Variants in GRHL2 observed in about 807,000 individuals in gnomAD.
The protein encoded by GRHL2 is grainyhead-like protein 2 homolog.
A neutral mutation model predicts 83.8 loss-of-function variants in GRHL2; 21 were observed. That is an observed-to-expected ratio of 0.25 (90% CI 0.18 to 0.36). The LOEUF is 0.36. Ranked by LOEUF, GRHL2 falls within the 10% of genes least tolerant of loss-of-function variation. The pLI, the probability that GRHL2 is intolerant of heterozygous loss-of-function variation, is 1.00. For synonymous variants in GRHL2, 280 were observed against 278.9 expected, an observed-to-expected ratio of 1.00 and a Z score of -0.04; for missense variants, 623 against 781.8, an observed-to-expected ratio of 0.80 and a Z score of 2.42.
At chr8:101,511,183 A>G (rs1260282004) in intron 1 of GRHL2, among the ~76,000 whole-genome samples, 5 of 152,158 alleles carry the variant, frequency 3.3e-5, no homozygotes, top group Admixed American at 6.5e-5. Context: ...TGATAGTTCC[A>G]TATCAATAAT....
At chr8:101,515,768 G>A (rs780406558) in intron 1 of GRHL2, among the ~76,000 whole-genome samples, 7 of 152,164 alleles carry the variant, frequency 4.6e-5, no homozygotes, top group Non-Finnish European at 8.8e-5. Flanking sequence ...AACTCCTCCT[G>A]TCTTTTGCCA....
chr8:101,576,777 ATAAT>A (rs1341738817), intron 6 of GRHL2, among the ~76,000 whole-genome samples: 1 of 152,226 alleles, frequency 6.6e-6, no homozygotes, highest in Non-Finnish European at 1.5e-5. Context: ...TCTGCAAGAT[ATAAT>A]TAGTTTCTCA....
At chr8:101,556,185 G>A (rs748567232) in intron 3 of GRHL2, among the ~76,000 whole-genome samples, 6 of 152,082 alleles carry the variant, frequency 3.9e-5, no homozygotes, top group Non-Finnish European at 8.8e-5. Context: ...TCGAACTCCC[G>A]ACCTCAGGTG....
In GRHL2 at chr8:101,546,297, GATTTTATTCTGTT is replaced by G. The variant is rs1286182880; in HGVS notation, c.216+2865_216+2877del. Among the ~76,000 whole-genome samples the G allele has an allele frequency of 2.6e-5, 4 of 152,058 alleles. No homozygotes were observed. In the East Asian group the frequency reaches 7.7e-4, roughly 29 times the overall value. ...TGTTGTTCCTATTCTTTAAAATATA[GATTTTATTCTGTT>G]ATTGTGAAATGGATATAATTTCATA... On this transcript the variant is annotated intron_variant, in intron 2 of 15. Transcript: ENST00000646743.
intron 4 of GRHL2, among the ~76,000 whole-genome samples, chr8:101,565,384 G>A (rs1469512536): frequency 6.6e-6 from 1 of 152,154 alleles, no homozygotes; most frequent in Non-Finnish European, 1.5e-5. Context: ...CTATAAGTCA[G>A]TTAACAATAG....
intron 12 of GRHL2, among the ~76,000 whole-genome samples, chr8:101,639,951 G>C (rs1016207053): frequency 6.6e-6 from 1 of 152,196 alleles, no homozygotes; most frequent in Non-Finnish European, 1.5e-5. Flanking sequence ...ACAATGACCA[G>C]ACTGAGGATA....
chr8:101,626,354 T>C (rs1813079282), intron 9 of GRHL2, among the ~76,000 whole-genome samples: 1 of 152,116 alleles, frequency 6.6e-6, no homozygotes, highest in Non-Finnish European at 1.5e-5. Flanking sequence ...GGTATTAAGA[T>C]ACTTCTATTG....
At chr8:101,615,398 TA>T (rs1194207167) in intron 8 of GRHL2, among the ~76,000 whole-genome samples, 1 of 152,190 alleles carries the variant, frequency 6.6e-6, no homozygotes, top group African/African-American at 2.4e-5. Flanking sequence ...GACATGTGGT[TA>T]AATCACTGAG....
rs772671499 is a variant in GRHL2, at chr8:101,577,419, G to A, written c.903G>A (p.Met301Ile). 6.2e-7 allele frequency: 1 copy of A among 1,607,336 alleles called. No homozygotes were observed. The highest frequency in any genetic ancestry group is 2.2e-5 in the East Asian group (1 of 44,858). ...TCTCCCCTCTGCAGAGTGTGGTGAT[G>A]GTGGTCTTCAGTGAAGACAAAAACA... is the stretch of plus-strand genomic sequence containing the variant. ...HPISKVRSVV[M>I]VVFSEDKNRD... The change falls in exon 7 of 16, where the codon ATG becomes ATA. Residue 301 changes from methionine (M) to isoleucine (I), a missense_variant. Physicochemically the swap from Met to Ile is conservative, Grantham distance 10 (BLOSUM62 1). Coordinates refer to ENST00000646743, the MANE Select transcript of GRHL2 (RefSeq NM_024915.4).
At chr8:101,590,810 G>A (rs890892083) in intron 7 of GRHL2, among the ~76,000 whole-genome samples, 1 of 152,054 alleles carries the variant, frequency 6.6e-6, no homozygotes, top group African/African-American at 2.4e-5. Flanking sequence ...ACCTTGAGTC[G>A]GCATTTGTGC....
At chr8:101,658,184 T>C (rs1813840528) in intron 14 of GRHL2, among the ~76,000 whole-genome samples, 1 of 152,226 alleles carries the variant, frequency 6.6e-6, no homozygotes, top group Non-Finnish European at 1.5e-5. Context: ...AGAGCAGGAC[T>C]TTGCCCTCCT....
At chr8:101,506,630 GT>G (rs1330035329) in intron 1 of GRHL2, among the ~76,000 whole-genome samples, 1 of 151,986 alleles carries the variant, frequency 6.6e-6, no homozygotes, top group Non-Finnish European at 1.5e-5. Context: ...ATATGTAAAG[GT>G]TTTTATCTCC....
downstream of GRHL2, among the ~76,000 whole-genome samples, chr8:101,670,904 G>A (rs539605274): frequency 9.2e-5 from 14 of 152,322 alleles, no homozygotes; most frequent in African/African-American, 2.9e-4. Context: ...GACACAGTCT[G>A]CCCTCATAGG....
At chr8:101,670,445 C>T (rs570915376), downstream of GRHL2, among the ~76,000 whole-genome samples, 2 of 152,222 alleles carry the variant, frequency 1.3e-5, no homozygotes, top group African/African-American at 4.8e-5. Context: ...CAACTTCAAC[C>T]CCAGCAGCAT....
intron 1 of GRHL2, among the ~76,000 whole-genome samples, chr8:101,531,287 A>T (rs79410000): frequency 2.0e-5 from 3 of 151,608 alleles, no homozygotes; most frequent in African/African-American, 7.3e-5. Flanking sequence ...GCTGACTGCT[A>T]CCTGAACCTG....
intron 9 of GRHL2, among the ~76,000 whole-genome samples, chr8:101,628,709 T>C (rs1377520572): frequency 1.3e-5 from 2 of 152,082 alleles, no homozygotes; most frequent in Non-Finnish European, 2.9e-5. Context: ...TCATGATTCA[T>C]GGGAGGAGGT....
intron 1 of GRHL2, among the ~76,000 whole-genome samples, chr8:101,517,595 G>T (rs1236685291): frequency 6.6e-6 from 1 of 152,214 alleles, no homozygotes; most frequent in Non-Finnish European, 1.5e-5. Flanking sequence ...TCCAACAGTT[G>T]TTGGGGAGTC....
At chr8:101,573,873 A>C in intron 6 of GRHL2, 49 bp downstream of exon 6, 1 of 1,591,610 alleles carries the variant, frequency 6.3e-7, no homozygotes, top group Non-Finnish European at 8.6e-7. Flanking sequence ...CGATGAACGG[A>C]ATGGCTACCT....
At chr8:101,518,433 A>T (rs1810615950) in intron 1 of GRHL2, among the ~76,000 whole-genome samples, 1 of 152,030 alleles carries the variant, frequency 6.6e-6, no homozygotes, top group African/African-American at 2.4e-5. Context: ...AAAATAAATA[A>T]AATCCCTAGT....
Sources: gnomAD v4.1 joint callset for allele counts (sites outside exome capture counted in the v4.1 genomes callset) on GRCh38, gnomAD v4.1.1 for gene constraint, MANE v1.5 for transcripts, NCBI Gene and HGNC (gene_info 2026-07-23, HGNC 2026-07-21) for gene names.